Variants in ADRA1A observed in about 807,000 individuals in gnomAD.
The protein encoded by ADRA1A is alpha-1A adrenergic receptor.
Under a neutral mutation model 29.6 loss-of-function variants are expected in ADRA1A, and 31 were observed. That is an observed-to-expected ratio of 1.05 (90% CI 0.79 to 1.41). ADRA1A has a LOEUF of 1.41. ADRA1A is among the 40% of genes most tolerant of loss of function. The pLI is 0.00. For synonymous variants in ADRA1A, 311 were observed against 254.3 expected (o/e 1.22, Z -2.12); for missense variants, 619 against 601.1 (o/e 1.03, Z -0.31).
intron 2 of ADRA1A, among the ~76,000 whole-genome samples, chr8:26,820,462 C>T (rs1466404214): frequency 1.3e-5 from 2 of 152,134 alleles, no homozygotes; most frequent in Non-Finnish European, 2.9e-5. Flanking sequence ...TAAATCTCAG[C>T]CCCAGGGATA....
intron 2 of ADRA1A, among the ~76,000 whole-genome samples, chr8:26,777,997 A>C (rs1001729568): frequency 6.6e-6 from 1 of 152,232 alleles, no homozygotes; most frequent in African/African-American, 2.4e-5. Flanking sequence ...CTCATCCCTC[A>C]AACTTCTGCA....
At chr8:26,753,485 C>T (rs1805013024), downstream of ADRA1A, among the ~76,000 whole-genome samples, 2 of 151,826 alleles carry the variant, frequency 1.3e-5, no homozygotes, top group Non-Finnish European at 2.9e-5. Context: ...AAATGAGATT[C>T]TTGAAGAAAA....
At chr8:26,766,001 C>T, downstream of ADRA1A, 1 of 1,609,974 alleles carries the variant, frequency 6.2e-7, no homozygotes, top group South Asian at 1.1e-5. Flanking sequence ...GCCATAGCTT[C>T]CAGCTGACTC....
At position 26,783,855 on chromosome 8, in the gene ADRA1A, AG is replaced by A. The variant is rs1807173532; in HGVS notation, c.884-13190del. On this transcript the variant is annotated intron_variant, in intron 2 of 2. Transcript: ENST00000380573. ...CATTGAATACTATGCAGCCATAAAA[AG>A]GAATGAGATCATGTCCTTTGCAGGG... Among the ~76,000 whole-genome samples, 4 of 152,248 alleles carry A rather than the reference AG, an allele frequency of 2.6e-5. No homozygotes were observed. The South Asian group carries it at 8.3e-4, about 31-fold the overall frequency.
Position 26,860,900 on chromosome 8 carries a change from C to G in ADRA1A, c.883+3187G>C, listed in dbSNP as rs573619775. Among the ~76,000 whole-genome samples, 1 of 152,086 alleles carries G rather than the reference C, an allele frequency of 6.6e-6. No individual in the cohort carries two copies. The highest frequency in any genetic ancestry group is 1.5e-5 in the Non-Finnish European group (1 of 68,004). On this transcript the variant is annotated intron_variant, in intron 2 of 2. Transcript: ENST00000380573. This position sits in a 1 kb window ranked among gnomAD's most constrained non-coding sequence, Gnocchi z 4.7. Reference sequence around the variant, plus strand: ...CCACCATTGAAAGCTCTCTCTATACCCCTCCAGCTACACCGCATCTCCTAG... The same window carrying G: ...CCACCATTGAAAGCTCTCTCTATACGCCTCCAGCTACACCGCATCTCCTAG...
In ADRA1A at chr8:26,775,055, G is replaced by A. The variant is rs1488055135; in HGVS notation, c.884-4389C>T. On this transcript the variant is annotated intron_variant, in intron 2 of 2. Coordinates refer to ENST00000380573, the MANE Select transcript of ADRA1A (RefSeq NM_000680.4). The surrounding 1 kb of genome is among the most constrained non-coding windows in gnomAD (Gnocchi z 4.1). ...TTCAGGGGTGGGTGCCTCTGACCCA[G>A]TCACTCTGTGGGGAAGTCCATTCGA... 7.2e-6 allele frequency among the ~76,000 whole-genome samples: 1 copy of A among 139,184 alleles called. No homozygotes were observed. Among genetic ancestry groups the A allele is most frequent in the African/African-American group, 2.8e-5 (1 of 35,512 alleles). The allele number at this position is 139,184 out of a possible 152,430, so 91.3% of individuals were successfully genotyped here.
chr8:26,776,934 A>C (rs1489945835), intron 2 of ADRA1A, among the ~76,000 whole-genome samples: 1 of 152,200 alleles, frequency 6.6e-6, no homozygotes, highest in African/African-American at 2.4e-5. Flanking sequence ...GTACACATCC[A>C]ATGAGCAGAG....
intron 2 of ADRA1A, among the ~76,000 whole-genome samples, chr8:26,777,620 T>C (rs1806644532): frequency 6.6e-6 from 1 of 152,306 alleles, no homozygotes; most frequent in Admixed American, 6.5e-5. Flanking sequence ...AGTAAAGTCA[T>C]GTGTATGCTC....
rs1206212487 is a variant in ADRA1A at position 26,806,969 on chromosome 8, G to A, written c.884-36303C>T. ...GCTTGGCTTTGGCTCTGTTAATAAT[G>A]TCAAACTTATGTCGGGGGTAAAGTG... is the stretch of plus-strand genomic sequence containing the variant. On this transcript the variant is annotated intron_variant, in intron 2 of 2. Transcript: ENST00000380573. The surrounding 1 kb of genome is among the most constrained non-coding windows in gnomAD (Gnocchi z 4.6). Among the ~76,000 whole-genome samples the A allele has an allele frequency of 2.0e-5, 3 of 152,192 alleles. No homozygotes were observed. Among genetic ancestry groups the A allele is most frequent in the Admixed American group, 1.3e-4 (2 of 15,286 alleles).
chr8:26,810,561 T>A (rs1229399631), intron 2 of ADRA1A, among the ~76,000 whole-genome samples: 2 of 152,202 alleles, frequency 1.3e-5, no homozygotes, highest in African/African-American at 4.8e-5. Flanking sequence ...AGTAACAATA[T>A]CCCACTGCTA....
At chr8:26,789,063 C>A (rs1359736355) in intron 2 of ADRA1A, among the ~76,000 whole-genome samples, 1 of 152,128 alleles carries the variant, frequency 6.6e-6, no homozygotes, top group African/African-American at 2.4e-5. Flanking sequence ...CCAAGCCCCA[C>A]ATGCATTAGA....
Position 26,866,550 on chromosome 8 carries a change from G to T in ADRA1A, c.-687+386C>A, listed in dbSNP as rs1215710051. 6.6e-6 allele frequency among the ~76,000 whole-genome samples: 1 copy of T among 152,154 alleles called. No individual in the cohort carries two copies. The highest frequency in any genetic ancestry group is 1.5e-5 in the Non-Finnish European group (1 of 68,022). On this transcript the variant is annotated intron_variant, in intron 1 of 2. Transcript: ENST00000380573. This position sits in a 1 kb window ranked among gnomAD's most constrained non-coding sequence, Gnocchi z 5.7. ...GGGTTTCCACAACTGCGAACCTACCGCAGGGACTCGGCAGGACAGCGCGGC... is the reference window on the plus strand; with the variant it reads ...GGGTTTCCACAACTGCGAACCTACCTCAGGGACTCGGCAGGACAGCGCGGC...
intron 2 of ADRA1A, among the ~76,000 whole-genome samples, chr8:26,776,010 A>G (rs569149201): frequency 6.6e-6 from 1 of 152,318 alleles, no homozygotes; most frequent in Admixed American, 6.5e-5. Context: ...TAGGCTTATG[A>G]GGGGGCACTA....
chr8:26,842,508 T>G (rs1467898149), intron 2 of ADRA1A, among the ~76,000 whole-genome samples: 1 of 152,116 alleles, frequency 6.6e-6, no homozygotes, highest in Non-Finnish European at 1.5e-5. Context: ...TTGACCTGCC[T>G]TGAAATATCC....
intron 2 of ADRA1A, among the ~76,000 whole-genome samples, chr8:26,839,847 A>G (rs990608944): frequency 1.3e-5 from 2 of 152,036 alleles, no homozygotes; most frequent in Non-Finnish European, 2.9e-5. Context: ...TGATTCCCCT[A>G]TGGCTAGAGA....
chr8:26,827,377 T>A (rs867502860), intron 2 of ADRA1A, among the ~76,000 whole-genome samples: 1 of 152,322 alleles, frequency 6.6e-6, no homozygotes, highest in Middle Eastern at 3.4e-3. Flanking sequence ...GATACTTACT[T>A]AATTTCTCTG....
intron 2 of ADRA1A, among the ~76,000 whole-genome samples, chr8:26,782,084 C>T (rs1457018318): frequency 6.6e-6 from 1 of 152,256 alleles, no homozygotes; most frequent in Non-Finnish European, 1.5e-5. Context: ...CCAACAGCAT[C>T]TTCTAGCTTT....
chr8:26,847,960 T>C (rs1369692965), intron 2 of ADRA1A, among the ~76,000 whole-genome samples: 1 of 152,208 alleles, frequency 6.6e-6, no homozygotes, highest in Non-Finnish European at 1.5e-5. Context: ...CTGAGTGGGA[T>C]TTATTTTGCA....
At chr8:26,847,135 G>A (rs1812264424) in intron 2 of ADRA1A, among the ~76,000 whole-genome samples, 1 of 151,920 alleles carries the variant, frequency 6.6e-6, no homozygotes, top group Non-Finnish European at 1.5e-5. Context: ...CGAGTTAGTG[G>A]GTACAGCGCA....
Sources: gnomAD v4.1 joint callset for allele counts (sites outside exome capture counted in the v4.1 genomes callset) on GRCh38, gnomAD v4.1.1 for gene constraint, Gnocchi (gnomAD v3.1) non-coding constraint, MANE v1.5 for transcripts, NCBI Gene and HGNC (gene_info 2026-07-23, HGNC 2026-07-21) for gene names.